The following RAD9B variants were observed in gnomAD, a reference collection of about 807,000 sequenced individuals.
RAD9B encodes the protein cell cycle checkpoint control protein RAD9B.
RAD9B carries 41 observed loss-of-function variants against 48.3 expected under a neutral mutation model. The observed-to-expected ratio is 0.85, with a 90% CI of 0.66 to 1.10. The LOEUF is 1.10. Ranked by LOEUF, RAD9B falls within the 50% of genes least tolerant of loss-of-function variation. The pLI, the probability that RAD9B is intolerant of heterozygous loss-of-function variation, is 0.00. For synonymous variants in RAD9B, 160 were observed against 157.9 expected (o/e 1.01, Z -0.10); for missense variants, 444 against 485.1 (o/e 0.92, Z 0.80).
intron 9 of RAD9B, 47 bp from the exon 10 acceptor site, chr12:110,522,130 A>G (rs1244634110): frequency 8.9e-6 from 11 of 1,233,272 alleles, no homozygotes; most frequent in Middle Eastern, 1.9e-4. Context: ...ATAAAAATAT[A>G]TTTCACAATA....
chr12:110,505,838 G>A (rs1002033692), intron 3 of RAD9B, 66 bp downstream of exon 3: 1 of 1,250,064 alleles, frequency 8.0e-7, no homozygotes, highest in African/African-American at 1.5e-5. Context: ...GACATAACCT[G>A]TATTCTATAC....
chr12:110,521,497 C>T (rs1019908175), intron 9 of RAD9B, among the ~76,000 whole-genome samples: 11 of 150,678 alleles, frequency 7.3e-5, no homozygotes, highest in South Asian at 4.2e-4. Flanking sequence ...AGAGCATATG[C>T]GGTTTTGGTA....
chr12:110,515,188 G>A lies in RAD9B; in HGVS notation c.595+32G>A, dbSNP rs181260963. The A allele has an allele frequency of 8.5e-4, 939 of 1,106,284 alleles. 6 individuals are homozygous for A. In the South Asian group the frequency reaches 1.0e-2, roughly 12 times the overall value. The allele number at this position is 1,106,284 out of a possible 1,614,324, so 68.5% of individuals were successfully genotyped here. On this transcript the variant is annotated intron_variant, in intron 6 of 10. Transcript: ENST00000409300. ...ATTGTATCTGAAATGGTGTTTTGAT[G>A]GGTTATTACTTCCTGTCTCTCGATT...
At chr12:110,528,179 G>A (rs1053719661) in intron 10 of RAD9B, among the ~76,000 whole-genome samples, 4 of 152,132 alleles carry the variant, frequency 2.6e-5, no homozygotes, top group Non-Finnish European at 4.4e-5. Context: ...TATGAAAAAC[G>A]GGCTTCAGTG....
intron 2 of RAD9B, among the ~76,000 whole-genome samples, chr12:110,504,893 C>T (rs1471312276): frequency 6.6e-6 from 1 of 151,934 alleles, no homozygotes; most frequent in African/African-American, 2.4e-5. Context: ...GTCCCAGCTA[C>T]TTGGAAGGCT....
At chr12:110,516,358 CTG>C (rs1394210068) in intron 6 of RAD9B, among the ~76,000 whole-genome samples, 3 of 152,178 alleles carry the variant, frequency 2.0e-5, no homozygotes, top group Admixed American at 1.3e-4. Context: ...CCAGGAGAAA[CTG>C]TCCCTTGTGA....
chr12:110,514,067 T>TCCTTCCTC (rs1290655323), intron 5 of RAD9B, among the ~76,000 whole-genome samples: 6 of 151,942 alleles, frequency 3.9e-5, no homozygotes, highest in Non-Finnish European at 5.9e-5. Context: ...CTTGCTTCCT[T>TCCTTCCTC]CCTTCCTCCC....
chr12:110,506,211 C>T (rs1261047899), intron 3 of RAD9B, among the ~76,000 whole-genome samples: 1 of 135,688 alleles, frequency 7.4e-6, no homozygotes, highest in Non-Finnish European at 1.6e-5. Context: ...TTTTTTGAGA[C>T]GGAGTCTCGC....
intron 10 of RAD9B, among the ~76,000 whole-genome samples, chr12:110,529,725 T>C (rs1013313393): frequency 1.3e-5 from 2 of 152,080 alleles, no homozygotes; most frequent in African/African-American, 4.8e-5. Flanking sequence ...ACCTGGGCAA[T>C]AGGGCAAAAC....
intron 4 of RAD9B, among the ~76,000 whole-genome samples, chr12:110,509,658 A>G (rs2063403405): frequency 6.6e-6 from 1 of 152,182 alleles, no homozygotes; most frequent in South Asian, 2.1e-4. Context: ...AAAAAGGAAG[A>G]AAACAAGTAG....
chr12:110,510,732 C>T (rs2063434368), intron 4 of RAD9B, among the ~76,000 whole-genome samples: 1 of 152,136 alleles, frequency 6.6e-6, no homozygotes, highest in Non-Finnish European at 1.5e-5. Context: ...GCTACCTCTC[C>T]TCTTCCTCTA....
At position 110,503,846 on chromosome 12, in the gene RAD9B, C is replaced by T. The variant is rs80248684; in HGVS notation, c.87C>T (p.Asp29=). 1,397 of 1,603,304 alleles carry T rather than the reference C, an allele frequency of 8.7e-4. 16 individuals are homozygous for T. The African/African-American group carries it at 0.017, about 19-fold the overall frequency. Residue 29 remains aspartate, a synonymous_variant, in exon 2 of 11, where the codon GAC becomes GAT. Transcript: ENST00000409300. ...KAVQALSRIS[D]EFWLDPSKKG... ...TTCAAGCTCTATCACGAATTAGTGA[C>T]GAGTTCTGGCTAGACCCATCTAAAA...
At chr12:110,508,300 C>T (rs767039280) in intron 4 of RAD9B, among the ~76,000 whole-genome samples, 9 of 152,096 alleles carry the variant, frequency 5.9e-5, no homozygotes, top group Non-Finnish European at 1.2e-4. Flanking sequence ...AAGTACATAC[C>T]GCAGTACCTG....
chr12:110,506,348 C>G (rs2063267771), intron 3 of RAD9B, among the ~76,000 whole-genome samples: 1 of 152,040 alleles, frequency 6.6e-6, no homozygotes, highest in Admixed American at 6.6e-5. Context: ...GCCACTACGC[C>G]TGGCTAATTT....
intron 3 of RAD9B, among the ~76,000 whole-genome samples, chr12:110,506,201 T>TGAA (rs1190461138): frequency 7.0e-6 from 1 of 143,654 alleles, no homozygotes. Flanking sequence ...TGTTCATTTT[T>TGAA]TTTTTGAGAC....
Position 110,531,494 on chromosome 12 carries a change from G to A in RAD9B, c.*841G>A. The A allele has an allele frequency of 2.0e-6, 2 of 1,004,068 alleles. No individual in the cohort carries two copies. The highest frequency in any genetic ancestry group is 2.1e-4 in the Middle Eastern group (1 of 4,676). The allele number at this position is 1,004,068 out of a possible 1,614,324, so 62.2% of individuals were successfully genotyped here. ...GACTTGAGCCACTGCGCCCAACCTG[G>A]AGTGTTTTTACATATTGTAAAATTT... On this transcript the variant is annotated 3_prime_UTR_variant, in exon 11 of 11. Transcript: ENST00000409300.
intron 9 of RAD9B, 34 bp downstream of exon 9, chr12:110,519,950 G>T: frequency 6.3e-7 from 1 of 1,595,278 alleles, no homozygotes; most frequent in South Asian, 1.1e-5. Context: ...TATTACTTGG[G>T]ACAAGCCATC....
chr12:110,512,687 ATTAC>A (rs1565885386), intron 4 of RAD9B, 88 bp from the exon 5 acceptor site: 1 of 622,510 alleles, frequency 1.6e-6, no homozygotes, highest in Non-Finnish European at 2.8e-6. Context: ...ATGTTACTTT[ATTAC>A]TTTAATTTGG....
chr12:110,525,495 A>G (rs1044236490), intron 10 of RAD9B, among the ~76,000 whole-genome samples: 4 of 152,008 alleles, frequency 2.6e-5, no homozygotes, highest in African/African-American at 9.7e-5. Context: ...TTTCCTCATG[A>G]TTCAATTTAA....
Sources: allele counts gnomAD v4.1 joint callset (sites outside exome capture counted in the v4.1 genomes callset), GRCh38; gene constraint gnomAD v4.1.1; transcripts MANE v1.5; gene names NCBI Gene and HGNC (gene_info 2026-07-23, HGNC 2026-07-21).